SEC14L1: variants seen among roughly 807,000 people sequenced by gnomAD.
SEC14L1 encodes SEC14 like lipid binding 1.
A neutral mutation model predicts 85.3 loss-of-function variants in SEC14L1; 48 were observed. That is an observed-to-expected ratio of 0.56 (90% CI 0.45 to 0.72). The LOEUF is 0.72. Ranked by LOEUF, SEC14L1 falls within the 30% of genes least tolerant of loss-of-function variation. The pLI is 0.00. For synonymous variants in SEC14L1, 391 were observed against 355.5 expected (o/e 1.10, Z -1.12); for missense variants, 682 against 921.4 (o/e 0.74, Z 3.36).
intron 3 of SEC14L1, among the ~76,000 whole-genome samples, chr17:77,167,003 T>C (rs1974310767): frequency 6.6e-6 from 1 of 152,218 alleles, no homozygotes; most frequent in Admixed American, 6.5e-5. Context: ...AAGCTCTTCA[T>C]GGGTAGGACC....
intron 3 of SEC14L1, among the ~76,000 whole-genome samples, chr17:77,109,111 C>T (rs909546513): frequency 8.2e-5 from 12 of 145,892 alleles, no homozygotes; most frequent in Admixed American, 6.1e-4. Flanking sequence ...CGTGAGCCAC[C>T]GCACCCAGCC....
At chr17:77,184,486 A>C (rs1395913535) in intron 3 of SEC14L1, among the ~76,000 whole-genome samples, 2 of 151,766 alleles carry the variant, frequency 1.3e-5, no homozygotes, top group Admixed American at 1.3e-4. Flanking sequence ...GAGTATCACT[A>C]TGTGGTTTAT....
rs7221227 is a variant in SEC14L1 at position 77,209,507 on chromosome 17, G to A, written c.1611+31G>A. 7.2e-4 allele frequency: 1,152 copies of A among 1,608,564 alleles called. 5 individuals carry two copies. The African/African-American group carries it at 0.013, about 18-fold the overall frequency. ...TCCTCCGCCTTCCTGCACCTGGGCC[G>A]GCCCTTCCTCCGCAGAGGGCCTGGC... On this transcript the variant is annotated intron_variant, in intron 14 of 16. Coordinates refer to ENST00000436233, the MANE Select transcript of SEC14L1 (RefSeq NM_001143998.2).
intron 3 of SEC14L1, among the ~76,000 whole-genome samples, chr17:77,119,501 G>C (rs1402490984): frequency 1.3e-5 from 2 of 151,984 alleles, no homozygotes; most frequent in African/African-American, 2.4e-5. Flanking sequence ...TCAAGGAGCC[G>C]GTATCCCTGT....
chr17:77,115,333 G>A (rs1972146909), intron 3 of SEC14L1, among the ~76,000 whole-genome samples: 1 of 152,140 alleles, frequency 6.6e-6, no homozygotes. Context: ...GGAGGCTGAG[G>A]TGGAAGCATT....
chr17:77,134,072 G>A (rs1307305882), intron 3 of SEC14L1, among the ~76,000 whole-genome samples: 1 of 152,070 alleles, frequency 6.6e-6, no homozygotes, highest in Non-Finnish European at 1.5e-5. Flanking sequence ...AAGGGCAGCA[G>A]CCTTCTCTTT....
chr17:77,155,235 G>C (rs1973753872), intron 3 of SEC14L1, among the ~76,000 whole-genome samples: 1 of 152,092 alleles, frequency 6.6e-6, no homozygotes, highest in Non-Finnish European at 1.5e-5. Flanking sequence ...CCATTTCACT[G>C]TCCCAGGCAG....
rs1972370804 is a variant in SEC14L1, at chr17:77,123,962, C to T, written c.-135-18684C>T. Among the ~76,000 whole-genome samples the T allele has an allele frequency of 2.6e-5, 4 of 152,308 alleles. No individual in the cohort carries two copies. In the South Asian group the frequency reaches 8.3e-4, roughly 32 times the overall value. On this transcript the variant is annotated intron_variant, in intron 3 of 19. Coordinates refer to the SEC14L1 transcript ENST00000392476. The stretch of plus-strand genomic sequence containing the variant: ...AAAAACATTTAAAAAATTATGCTTG[C>T]TGTGTTTCGAAGCCCTGTTGAGGAC...
At chr17:77,201,549 C>T (rs1233223966) in intron 9 of SEC14L1, among the ~76,000 whole-genome samples, 3 of 151,008 alleles carry the variant, frequency 2.0e-5, no homozygotes, top group Non-Finnish European at 4.4e-5. Flanking sequence ...CTTCCGGGTT[C>T]AAGCAATTCT....
At chr17:77,157,850 A>T (rs1465112732) in intron 3 of SEC14L1, among the ~76,000 whole-genome samples, 1 of 151,020 alleles carries the variant, frequency 6.6e-6, no homozygotes, top group African/African-American at 2.4e-5. Context: ...AAAGTTTTTC[A>T]AACGAATGGT....
chr17:77,092,312 G>A (rs1271535125), intron 2 of SEC14L1, among the ~76,000 whole-genome samples: 2 of 152,156 alleles, frequency 1.3e-5, no homozygotes, highest in Non-Finnish European at 2.9e-5. Context: ...GGTCCCTGGT[G>A]TTAGGGGCTT....
chr17:77,110,959 C>T (rs1302746711), intron 3 of SEC14L1, among the ~76,000 whole-genome samples: 3 of 150,994 alleles, frequency 2.0e-5, no homozygotes, highest in South Asian at 2.1e-4. Flanking sequence ...TTTGGGAGGC[C>T]GAGGCAGGAG....
At chr17:77,192,036 C>G (rs1035357096) in intron 5 of SEC14L1, among the ~76,000 whole-genome samples, 1 of 151,888 alleles carries the variant, frequency 6.6e-6, no homozygotes, top group Non-Finnish European at 1.5e-5. Context: ...ACCTCATGAT[C>G]CGTCTGCCTC....
In SEC14L1 at chr17:77,091,276, C is replaced by T. The variant is rs572034443; in HGVS notation, c.-239-1968C>T. ...CTAATTTTTGTATTTTTAGTAGAGA[C>T]GGGGTTTCATCACGTTGGCCAGGCT... is the stretch of plus-strand genomic sequence containing the variant. On this transcript the variant is annotated intron_variant, in intron 2 of 19. Transcript: ENST00000392476. Among the ~76,000 whole-genome samples, 119 of 152,136 alleles carry T rather than the reference C, an allele frequency of 7.8e-4. 1 individual carries two copies. The highest frequency in any genetic ancestry group is 2.8e-3 in the African/African-American group (115 of 41,486).
Position 77,109,387 on chromosome 17 carries a change from G to C in SEC14L1, c.-136+16040G>C, listed in dbSNP as rs149122341. Among the ~76,000 whole-genome samples, 859 of 152,248 alleles carry C rather than the reference G, an allele frequency of 5.6e-3. 4 individuals carry two copies. Among genetic ancestry groups the C allele is most frequent in the Non-Finnish European group, 9.4e-3 (637 of 68,020 alleles). On this transcript the variant is annotated intron_variant, in intron 3 of 19. Transcript: ENST00000392476. ...CCAAAGTGCTGGGATCATAGGCGTG[G>C]GTCACAGAGCCCACCAAGTTACTGT...
At chr17:77,104,749 C>T (rs1971866247) in intron 3 of SEC14L1, among the ~76,000 whole-genome samples, 1 of 149,182 alleles carries the variant, frequency 6.7e-6, no homozygotes, top group Admixed American at 6.7e-5. Flanking sequence ...CGAGATTGCG[C>T]CACTGCACTC....
At chr17:77,201,969 C>T (rs899875845) in intron 9 of SEC14L1, among the ~76,000 whole-genome samples, 5 of 152,172 alleles carry the variant, frequency 3.3e-5, no homozygotes, top group African/African-American at 4.8e-5. Flanking sequence ...TGGTAACCAC[C>T]GAAGACAAGT....
chr17:77,144,411 C>G (rs151230041), intron 3 of SEC14L1, among the ~76,000 whole-genome samples: 1 of 152,286 alleles, frequency 6.6e-6, no homozygotes, highest in African/African-American at 2.4e-5. Context: ...TCCCCTGGTT[C>G]AAGTGAGCCA....
intron 1 of SEC14L1, chr17:77,141,383 C>G (rs987826712): frequency 7.0e-6 from 1 of 143,876 alleles, no homozygotes; most frequent in Non-Finnish European, 1.5e-5. Flanking sequence ...TCCCGGGAGC[C>G]GCTTTTTGCT....
Sources: gnomAD v4.1 joint callset for allele counts (sites outside exome capture counted in the v4.1 genomes callset) on GRCh38, gnomAD v4.1.1 for gene constraint, MANE v1.5 for transcripts, NCBI Gene and HGNC (gene_info 2026-07-23, HGNC 2026-07-21) for gene names.